C5: variants seen among roughly 807,000 people sequenced by gnomAD.
C5 encodes the protein C3 and PZP-like alpha-2-macroglobulin domain-containing protein 4.
Under a neutral mutation model 218.8 loss-of-function variants are expected in C5, and 140 were observed. That is an observed-to-expected ratio of 0.64 (90% CI 0.56 to 0.74). The LOEUF is 0.74. C5 is among the 30% of genes least tolerant of loss of function. The pLI, the probability that C5 is intolerant of heterozygous loss-of-function variation, is 0.00. For synonymous variants in C5, 614 were observed against 682.3 expected, an observed-to-expected ratio of 0.90 and a Z score of 1.56; for missense variants, 1,700 against 1,969.6, an observed-to-expected ratio of 0.86 and a Z score of 2.59.
At chr9:121,009,412 G>C (rs2047243143) in intron 17 of C5, among the ~76,000 whole-genome samples, 1 of 152,222 alleles carries the variant, frequency 6.6e-6, no homozygotes, top group Admixed American at 6.5e-5. Flanking sequence ...TACAAGCAGA[G>C]CCTGATGATT....
At chr9:120,982,173 G>A (rs1254862675) in intron 26 of C5, among the ~76,000 whole-genome samples, 1 of 152,136 alleles carries the variant, frequency 6.6e-6, no homozygotes. Context: ...TACCACGCAC[G>A]GCTAATTTTT....
At chr9:120,973,352 C>T (rs527989349) in intron 30 of C5, among the ~76,000 whole-genome samples, 81 of 152,284 alleles carry the variant, frequency 5.3e-4, no homozygotes, top group South Asian at 1.4e-3. Context: ...CATGAATCTC[C>T]GGTGAACTCT....
intron 37 of C5, 83 bp downstream of exon 37, chr9:120,961,399 A>G: frequency 1.2e-6 from 1 of 850,206 alleles, no homozygotes; most frequent in East Asian, 2.5e-5. Context: ...CAGTTTACCA[A>G]ACAGTGTCCC....
chr9:121,033,300 A>G (rs755340094), intron 5 of C5, among the ~76,000 whole-genome samples: 12 of 152,246 alleles, frequency 7.9e-5, no homozygotes, highest in Non-Finnish European at 1.8e-4. Context: ...AAGTAAAGAA[A>G]TGATTATGAC....
chr9:121,024,972 A>G (rs993889752), intron 9 of C5, among the ~76,000 whole-genome samples: 1 of 152,244 alleles, frequency 6.6e-6, no homozygotes, highest in Admixed American at 6.5e-5. Flanking sequence ...AAACATTAAA[A>G]TAATGTTGAA....
At chr9:121,061,106 T>C in the C5 span, among the ~76,000 whole-genome samples, 1 of 152,138 alleles carries the variant, frequency 6.6e-6, no homozygotes, top group Non-Finnish European at 1.5e-5. Context: ...GAGAATCACT[T>C]GAGCCCAGGA....
rs533408615 is a variant in C5 at position 121,030,376 on chromosome 9, C to CA, written c.758+20dup. The CA allele has an allele frequency of 1.0e-4, 130 of 1,284,930 alleles. 1 individual carries two copies. The highest frequency in any genetic ancestry group is 4.1e-4 in the Admixed American group (18 of 43,408). 79.6% of individuals were successfully genotyped at this position (1,284,930 alleles called of 1,614,324 possible). A position where few individuals can be genotyped will look rare whatever the true frequency, so the allele number is the denominator to read the frequency against. On this transcript the variant is annotated intron_variant, in intron 7 of 40. Transcript: ENST00000223642. ...ATTTGAAAAATAAAAATAAAAACAA[C>CA]AAAAAAACAAATGTTCTTACCTTGC... is the stretch of plus-strand genomic sequence containing the variant.
rs754830619 is a variant in C5 at position 120,982,778 on chromosome 9, T to C, written c.3267A>G (p.Val1089=). 1.8e-5 allele frequency: 28 copies of C among 1,599,460 alleles called. No individual in the cohort carries two copies. Among genetic ancestry groups the C allele is most frequent in the Non-Finnish European group, 2.4e-5 (28 of 1,167,564 alleles). The change falls in exon 26 of 41, where the codon GTA becomes GTG. Residue 1089 remains valine (V), a synonymous_variant. Coordinates refer to ENST00000223642, the MANE Select transcript of C5 (RefSeq NM_001735.3). ...TTTGGTTCTGCTCTACGTATTTATT[T>C]ACTTGTCCAAGTACTCTTAAAGCAA... The part of the protein sequence containing the change: ...TAFALRVLGQ[V]NKYVEQNQNS...
chr9:121,047,883 GA>G (rs2047641320), intron 1 of C5, among the ~76,000 whole-genome samples: 1 of 152,122 alleles, frequency 6.6e-6, no homozygotes, highest in African/African-American at 2.4e-5. Context: ...TATATTTACT[GA>G]AATTTTGCCC....
At chr9:121,052,595 A>AATGCTG (rs1377646200), upstream of C5, among the ~76,000 whole-genome samples, 1 of 152,080 alleles carries the variant, frequency 6.6e-6, no homozygotes, top group African/African-American at 2.4e-5. Flanking sequence ...TGGTCACCTG[A>AATGCTG]CCTTCCTGCT....
upstream of C5, among the ~76,000 whole-genome samples, chr9:121,052,223 G>A (rs552561218): frequency 3.3e-4 from 50 of 152,112 alleles, no homozygotes; most frequent in Admixed American, 7.2e-4. Context: ...TTGGGAGGCC[G>A]AGGTGGGTGG....
At chr9:120,967,177 C>G (rs1479447913) in intron 33 of C5, among the ~76,000 whole-genome samples, 2 of 150,880 alleles carry the variant, frequency 1.3e-5, no homozygotes, top group Non-Finnish European at 2.9e-5. Context: ...GGAGAATCAC[C>G]TGAACCTGGG....
chr9:121,066,967 A>G, the C5 span, among the ~76,000 whole-genome samples: 139 of 152,060 alleles, frequency 9.1e-4, no homozygotes, highest in South Asian at 2.3e-3. Context: ...CAGTTTGGGT[A>G]TAAAATGAAA....
At chr9:121,002,314 G>A (rs754421417) in intron 20 of C5, among the ~76,000 whole-genome samples, 5,688 of 61,644 alleles carry the variant, frequency 0.092, 295 homozygotes, top group South Asian at 0.19. Flanking sequence ...ATATATGTGT[G>A]TGTATATATA....
intron 7 of C5, 73 bp from the exon 8 acceptor site, chr9:121,027,347 T>G: frequency 2.4e-6 from 2 of 823,012 alleles, no homozygotes; most frequent in African/African-American, 1.7e-5. Context: ...ATGTAACAAT[T>G]TGAAATTACG....
chr9:120,974,665 A>C (rs1293099204), intron 30 of C5, 114 bp downstream of exon 30: 3 of 1,012,454 alleles, frequency 3.0e-6, no homozygotes, highest in Middle Eastern at 2.8e-4. Flanking sequence ...GACATAGCTG[A>C]CACTCAATAT....
At chr9:120,972,446 C>T (rs1346453268) in intron 30 of C5, among the ~76,000 whole-genome samples, 1 of 152,162 alleles carries the variant, frequency 6.6e-6, no homozygotes, top group Non-Finnish European at 1.5e-5. Flanking sequence ...CTTTGGTCCT[C>T]TCTGAGCTCC....
chr9:121,040,302 G>A (rs2047566459), intron 3 of C5, among the ~76,000 whole-genome samples: 1 of 152,156 alleles, frequency 6.6e-6, no homozygotes, highest in Non-Finnish European at 1.5e-5. Flanking sequence ...TCTGAAAGGA[G>A]GTCAGTTTGG....
intron 38 of C5, among the ~76,000 whole-genome samples, chr9:120,958,779 T>C (rs1346093604): frequency 6.6e-6 from 1 of 152,152 alleles, no homozygotes; most frequent in African/African-American, 2.4e-5. Flanking sequence ...GTTTCTTCAC[T>C]GGTAAATAGT....
Sources: allele counts gnomAD v4.1 joint callset (sites outside exome capture counted in the v4.1 genomes callset), GRCh38; gene constraint gnomAD v4.1.1; transcripts MANE v1.5; gene names NCBI Gene and HGNC (gene_info 2026-07-23, HGNC 2026-07-21).